SIPA1L3: variants seen among roughly 807,000 people sequenced by gnomAD.
SIPA1L3 encodes the protein signal-induced proliferation-associated 1-like protein 3.
SIPA1L3 carries 59 observed loss-of-function variants against 150.1 expected under a neutral mutation model. The observed-to-expected ratio is 0.39, with a 90% CI of 0.32 to 0.49. The LOEUF (loss-of-function observed/expected upper bound fraction) is 0.49. SIPA1L3 is among the 20% of genes least tolerant of loss of function. SIPA1L3 has a pLI of 0.86. For synonymous variants in SIPA1L3, 1,070 were observed against 1,077.6 expected (o/e 0.99, Z 0.14); for missense variants, 2,211 against 2,489.5 (o/e 0.89, Z 2.38).
intron 6 of SIPA1L3, among the ~76,000 whole-genome samples, chr19:38,105,897 C>T (rs1233474144): frequency 6.6e-6 from 1 of 152,122 alleles, no homozygotes; most frequent in African/African-American, 2.4e-5. Context: ...AAGGAAGTGC[C>T]AGGTTATCAA....
At chr19:38,118,347 C>T (rs1970937109) in intron 8 of SIPA1L3, among the ~76,000 whole-genome samples, 1 of 151,260 alleles carries the variant, frequency 6.6e-6, no homozygotes, top group African/African-American at 2.4e-5. Context: ...ATCGCCTGAA[C>T]CCAGGAGACA....
intron 19 of SIPA1L3, among the ~76,000 whole-genome samples, chr19:38,198,839 C>T (rs945503835): frequency 6.6e-5 from 10 of 152,348 alleles, no homozygotes; most frequent in Non-Finnish European, 1.0e-4. Flanking sequence ...CCTGTAATCC[C>T]AGCACTCTGA....
At chr19:38,065,167 G>C (rs1969543475) in intron 2 of SIPA1L3, among the ~76,000 whole-genome samples, 1 of 152,166 alleles carries the variant, frequency 6.6e-6, no homozygotes, top group East Asian at 1.9e-4. Flanking sequence ...CTATTTCCCT[G>C]GGGAATATGT....
At chr19:37,962,448 G>C (rs1356686637) in intron 1 of SIPA1L3, among the ~76,000 whole-genome samples, 1 of 140,212 alleles carries the variant, frequency 7.1e-6, no homozygotes, top group East Asian at 2.3e-4. Context: ...TTGGCCATGA[G>C]CCACTGCAGC....
chr19:37,968,509 G>C (rs2046925794), intron 1 of SIPA1L3, among the ~76,000 whole-genome samples: 2 of 152,236 alleles, frequency 1.3e-5, no homozygotes, highest in Admixed American at 1.3e-4. Flanking sequence ...AAAGCCTTCA[G>C]TGGTTTCCCA....
intron 4 of SIPA1L3, among the ~76,000 whole-genome samples, chr19:38,097,270 G>A (rs923492773): frequency 9.9e-5 from 15 of 152,188 alleles, no homozygotes; most frequent in African/African-American, 2.6e-4. Context: ...GATCTCTTGC[G>A]CCCAGGAGGT....
intron 20 of SIPA1L3, 111 bp downstream of exon 20, chr19:38,202,108 C>T (rs1028434975): frequency 1.3e-5 from 14 of 1,115,972 alleles, no homozygotes; most frequent in Middle Eastern, 2.1e-4. Flanking sequence ...ACTCTCCGGG[C>T]GGAAGCTGAT....
At chr19:37,958,911 C>T (rs995697913) in intron 1 of SIPA1L3, among the ~76,000 whole-genome samples, 1 of 152,178 alleles carries the variant, frequency 6.6e-6, no homozygotes, top group African/African-American at 2.4e-5. Context: ...ATCCAAATGG[C>T]CTATAAGCAC....
chr19:37,946,360 TGGCCTCAAGCGATCCTCCCCCATC>T (rs1184114713), intron 1 of SIPA1L3, among the ~76,000 whole-genome samples: 1 of 152,044 alleles, frequency 6.6e-6, no homozygotes, highest in Non-Finnish European at 1.5e-5. Flanking sequence ...CTTGAACTCC[TGGCCTCAAGCGATCCTCCCCCATC>T]GGCCTCCCAA....
At chr19:37,983,905 CAAAAAAAAAAAAA>C in intron 1 of SIPA1L3, among the ~76,000 whole-genome samples, 1 of 75,858 alleles carries the variant, frequency 1.3e-5, no homozygotes, top group Non-Finnish European at 2.6e-5. Context: ...GACCCCATCT[CAAAAAAAAAAAAA>C]AAAAAAAAGA....
chr19:38,147,025 TC>T (rs1971715377), intron 12 of SIPA1L3, among the ~76,000 whole-genome samples: 2 of 152,236 alleles, frequency 1.3e-5, no homozygotes, highest in South Asian at 2.1e-4. Flanking sequence ...ACAGGGTCTT[TC>T]ACAGAACAAA....
At chr19:38,156,357 C>T (rs953626652) in intron 13 of SIPA1L3, among the ~76,000 whole-genome samples, 3 of 151,388 alleles carry the variant, frequency 2.0e-5, no homozygotes, top group Admixed American at 6.6e-5. Flanking sequence ...GGAAGTGTTT[C>T]CTGCATACAC....
intron 2 of SIPA1L3, among the ~76,000 whole-genome samples, chr19:38,072,931 C>T (rs1018670353): frequency 1.3e-5 from 2 of 152,242 alleles, no homozygotes; most frequent in Non-Finnish European, 2.9e-5. Context: ...CAGGGGCAAT[C>T]TGGGAGCATT....
At chr19:37,948,935 C>A (rs1349525483) in intron 1 of SIPA1L3, among the ~76,000 whole-genome samples, 1 of 152,186 alleles carries the variant, frequency 6.6e-6, no homozygotes. Flanking sequence ...AGAGCTTGTT[C>A]CCAGCAATTC....
Position 37,929,180 on chromosome 19 carries a change from C to T in SIPA1L3, c.-379+21822C>T, listed in dbSNP as rs146630323. Among the ~76,000 whole-genome samples, 818 of 151,760 alleles carry T rather than the reference C, an allele frequency of 5.4e-3. 7 individuals carry two copies. Among genetic ancestry groups the T allele is most frequent in the African/African-American group, 0.019 (794 of 41,412 alleles). On this transcript the variant is annotated intron_variant, in intron 1 of 21. Coordinates refer to ENST00000222345, the MANE Select transcript of SIPA1L3 (RefSeq NM_015073.3). ...CCAAGGGCCAATTAGGATTGACCCT[C>T]TGGGGCTGGGGCTGGGGCTGGGGCT... is the stretch of plus-strand genomic sequence containing the variant.
At chr19:38,125,859 T>A (rs1172076295) in intron 9 of SIPA1L3, among the ~76,000 whole-genome samples, 1 of 152,140 alleles carries the variant, frequency 6.6e-6, no homozygotes, top group African/African-American at 2.4e-5. Context: ...TTCATGGTGC[T>A]CCTCTCTGGG....
intron 1 of SIPA1L3, among the ~76,000 whole-genome samples, chr19:37,940,325 A>T (rs903320582): frequency 1.3e-5 from 2 of 151,576 alleles, no homozygotes; most frequent in Non-Finnish European, 2.9e-5. Context: ...AAAAAGCTTT[A>T]CCTCTTACTA....
At chr19:38,078,000 T>C (rs1166281327) in intron 2 of SIPA1L3, among the ~76,000 whole-genome samples, 6 of 152,164 alleles carry the variant, frequency 3.9e-5, no homozygotes, top group Non-Finnish European at 5.9e-5. Context: ...TTGGGAAATG[T>C]TACATGCAAC....
intron 21 of SIPA1L3, among the ~76,000 whole-genome samples, chr19:38,204,621 C>T (rs542855434): frequency 5.3e-5 from 8 of 152,044 alleles, no homozygotes; most frequent in Non-Finnish European, 8.8e-5. Context: ...AATAATTAGT[C>T]GGGTGTGGTG....
Sources: allele counts gnomAD v4.1 joint callset (sites outside exome capture counted in the v4.1 genomes callset), GRCh38; gene constraint gnomAD v4.1.1; transcripts MANE v1.5; gene names NCBI Gene and HGNC (gene_info 2026-07-23, HGNC 2026-07-21).